Variants in UBOX5 observed in about 807,000 individuals in gnomAD.
UBOX5 encodes the protein U-box domain containing 5, also known as RING finger protein 37.
In UBOX5, 28 loss-of-function variants were observed where a neutral mutation model predicts 39.0. The observed-to-expected ratio is 0.72, with a 90% CI of 0.53 to 0.98. UBOX5 has a LOEUF of 0.98. Ranked by LOEUF, UBOX5 falls within the 50% of genes least tolerant of loss-of-function variation. The pLI, the probability that UBOX5 is intolerant of heterozygous loss-of-function variation, is 0.00. For missense variants in UBOX5, 585 were observed against 674.4 expected (o/e 0.87, Z 1.47); for synonymous variants, 283 against 275.5 (o/e 1.03, Z -0.27).
At position 3,138,057 on chromosome 20, in the gene UBOX5, G is replaced by A. The variant is rs1258429845; in HGVS notation, c.-41-14651C>T. Among the ~76,000 whole-genome samples, 10 of 152,336 alleles carry A rather than the reference G, an allele frequency of 6.6e-5. 1 individual carries two copies. Among genetic ancestry groups the A allele is most frequent in the African/African-American group, 2.4e-4 (10 of 41,586 alleles). On this transcript the variant is annotated intron_variant, in intron 1 of 4. Transcript: ENST00000217173. ...GGAGGCCAAAGTGGGCAGATCACTT[G>A]AGGTCAAGAGTTTGAGATAAGCCTG...
chr20:3,115,278 C>A (rs775793527), intron 4 of UBOX5, 27 bp downstream of exon 4: 1 of 1,599,432 alleles, frequency 6.3e-7, no homozygotes, highest in South Asian at 1.1e-5. Flanking sequence ...TTCCAAGGCT[C>A]CAAGGAGATG....
intron 1 of UBOX5, among the ~76,000 whole-genome samples, chr20:3,135,845 G>GT (rs1468856021): frequency 6.6e-6 from 1 of 152,082 alleles, no homozygotes; most frequent in Non-Finnish European, 1.5e-5. Context: ...ATCATTATCA[G>GT]TATCAGTAGG....
At chr20:3,130,770 A>C (rs1307019872) in intron 1 of UBOX5, among the ~76,000 whole-genome samples, 5 of 147,430 alleles carry the variant, frequency 3.4e-5, no homozygotes, top group African/African-American at 1.2e-4. Context: ...ACACATTTTC[A>C]GTTGTTTTTG....
intron 1 of UBOX5, among the ~76,000 whole-genome samples, chr20:3,125,193 T>C (rs1221686231): frequency 7.3e-6 from 1 of 137,420 alleles, no homozygotes; most frequent in Non-Finnish European, 1.5e-5. Context: ...GGCTGCACCA[T>C]CTGAGAAGTG....
intron 1 of UBOX5, chr20:3,146,894 G>T: frequency 6.2e-7 from 1 of 1,614,222 alleles, no homozygotes; most frequent in Non-Finnish European, 8.5e-7. Context: ...GCCAAGCCGA[G>T]CCAGCTGCCG....
intron 1 of UBOX5, among the ~76,000 whole-genome samples, chr20:3,152,245 C>G (rs547823940): frequency 1.3e-5 from 2 of 151,834 alleles, no homozygotes; most frequent in Non-Finnish European, 2.9e-5. Flanking sequence ...CTTTGGGAGG[C>G]TGAGGCGGGT....
At chr20:3,148,561 C>A (rs777660496) in intron 1 of UBOX5, 1 of 1,614,148 alleles carries the variant, frequency 6.2e-7, no homozygotes, top group East Asian at 2.2e-5. Context: ...GCAAAGAGCT[C>A]AGCTTACACA....
At chr20:3,121,133 C>G (rs754908016) in intron 3 of UBOX5, among the ~76,000 whole-genome samples, 35 of 152,176 alleles carry the variant, frequency 2.3e-4, no homozygotes, top group Admixed American at 6.5e-5. Flanking sequence ...AACAGAGGAG[C>G]GAAACACGCA....
rs529048399 is a variant in UBOX5, at chr20:3,158,619, C to CGT, written c.-42+1146_-42+1147insAC. Among the ~76,000 whole-genome samples the CGT allele has an allele frequency of 4.0e-3, 613 of 152,172 alleles. 4 individuals carry two copies. The highest frequency in any genetic ancestry group is 0.03 in the South Asian group (143 of 4,806). ...CCTCCAGAGTAGCTGGGACTACAGG[C>CGT]GCCCGCCACCACGCCCAGCTATTTT... On this transcript the variant is annotated intron_variant, in intron 1 of 4. Transcript: ENST00000217173.
At chr20:3,152,959 A>C (rs369245614) in intron 1 of UBOX5, among the ~76,000 whole-genome samples, 1 of 152,126 alleles carries the variant, frequency 6.6e-6, no homozygotes. Context: ...CATTTTTTAA[A>C]TAAAATAGCT....
intron 1 of UBOX5, among the ~76,000 whole-genome samples, chr20:3,126,030 A>T (rs2066385265): frequency 6.6e-6 from 1 of 152,278 alleles, no homozygotes; most frequent in South Asian, 2.1e-4. Flanking sequence ...AGCGAACATC[A>T]AGAACGGGCC....
intron 4 of UBOX5, among the ~76,000 whole-genome samples, chr20:3,113,298 A>C (rs2066268673): frequency 8.1e-6 from 1 of 123,338 alleles, no homozygotes; most frequent in Non-Finnish European, 1.7e-5. Context: ...ACTCTGTCTC[A>C]AAAAAAAAAA....
At chr20:3,138,411 C>T (rs576444807) in intron 1 of UBOX5, among the ~76,000 whole-genome samples, 27 of 152,190 alleles carry the variant, frequency 1.8e-4, no homozygotes, top group African/African-American at 6.3e-4. Flanking sequence ...ACATACTAGG[C>T]TGGTGGGATA....
chr20:3,136,346 GTTTATT>G (rs1352484554), intron 1 of UBOX5, among the ~76,000 whole-genome samples: 1 of 150,996 alleles, frequency 6.6e-6, no homozygotes, highest in Non-Finnish European at 1.5e-5. Flanking sequence ...CTAAGAGATT[GTTTATT>G]TTTATTTTTT....
At position 3,149,634 on chromosome 20, in the gene UBOX5, G is replaced by A. The variant is rs1300650541; in HGVS notation, c.-42+10132C>T. 6.6e-6 allele frequency among the ~76,000 whole-genome samples: 1 copy of A among 152,178 alleles called. No individual in the cohort carries two copies. Among genetic ancestry groups the A allele is most frequent in the African/African-American group, 2.4e-5 (1 of 41,446 alleles). ...AGTGAGCAACTCCTTCCATCTCTTT[G>A]ATATCAAGGCAAACAGGTCCTACCT... On this transcript the variant is annotated intron_variant, in intron 1 of 4. Transcript: ENST00000217173. This position sits in a 1 kb window ranked among gnomAD's most constrained non-coding sequence, Gnocchi z 4.1.
intron 1 of UBOX5, chr20:3,147,113 T>A (rs1461656290): frequency 3.1e-6 from 5 of 1,613,958 alleles, no homozygotes; most frequent in Non-Finnish European, 4.2e-6. Flanking sequence ...CTCCATGGGC[T>A]GCTGCCCAGG....
Position 3,124,266 on chromosome 20 carries a change from GCTGGACTGTA to G in UBOX5, c.-41-870_-41-861del, listed in dbSNP as rs1476387129. Among the ~76,000 whole-genome samples the G allele has an allele frequency of 4.6e-5, 7 of 152,146 alleles. No individual in the cohort carries two copies. The East Asian group carries it at 1.3e-3, about 29-fold the overall frequency. ...TCTTCGGTCTCCCTCTGTTGCCGAG[GCTGGACTGTA>G]CTGCCGTGATCTCAGCTCGCTGCAA... On this transcript the variant is annotated intron_variant, in intron 1 of 4. Transcript: ENST00000217173.
At chr20:3,137,845 A>G (rs564674146) in intron 1 of UBOX5, among the ~76,000 whole-genome samples, 69 of 152,340 alleles carry the variant, frequency 4.5e-4, no homozygotes, top group African/African-American at 1.6e-3. Context: ...GAAATTTTTC[A>G]CCCAGATCTA....
intron 1 of UBOX5, among the ~76,000 whole-genome samples, chr20:3,141,548 A>G (rs1210071587): frequency 6.6e-6 from 1 of 152,146 alleles, no homozygotes; most frequent in Admixed American, 6.6e-5. Flanking sequence ...TGGGAGGCTT[A>G]GGCAGGAGAA....
Sources: allele counts gnomAD v4.1 joint callset (sites outside exome capture counted in the v4.1 genomes callset), GRCh38; gene constraint gnomAD v4.1.1; non-coding constraint Gnocchi (gnomAD v3.1); transcripts MANE v1.5; gene names NCBI Gene and HGNC (gene_info 2026-07-23, HGNC 2026-07-21).